The following PSG8 variants were observed in gnomAD, a reference collection of about 807,000 sequenced individuals.
PSG8 encodes pregnancy-specific beta-1-glycoprotein 8.
In PSG8, 57 loss-of-function variants were observed where a neutral mutation model predicts 42.5. That is an observed-to-expected ratio of 1.34 (90% confidence interval 1.08 to 1.67). The LOEUF (loss-of-function observed/expected upper bound fraction) is 1.67, where lower values mean the gene tolerates loss of function less well. PSG8 is among the 40% of genes most tolerant of loss of function. The pLI is 0.00. For missense variants in PSG8, 783 were observed against 518.6 expected (o/e 1.51, Z -4.95); for synonymous variants, 280 against 196.8 (o/e 1.42, Z -3.54).
chr19:42,754,745 C>T (rs981662544), intron 4 of PSG8, 158 bp from the exon 5 acceptor site: 8 of 1,318,742 alleles, frequency 6.1e-6, no homozygotes, highest in African/African-American at 3.0e-5. Context: ...CAGGTATTCA[C>T]CTGTTTCTCC....
At chr19:42,754,691 C>G (rs1444607337) in intron 4 of PSG8, 104 bp from the exon 5 acceptor site, 11 of 1,398,750 alleles carry the variant, frequency 7.9e-6, no homozygotes, top group Middle Eastern at 2.6e-4. Context: ...GACACACCCT[C>G]AAGTCCCAGC....
chr19:42,759,809 G>T (rs1282285589), intron 2 of PSG8, among the ~76,000 whole-genome samples: 2 of 152,160 alleles, frequency 1.3e-5, no homozygotes, highest in Non-Finnish European at 2.9e-5. Flanking sequence ...ATCAATTGCT[G>T]GTAGTAGTAT....
At chr19:42,757,232 C>T (rs949226872) in intron 3 of PSG8, among the ~76,000 whole-genome samples, 12 of 151,908 alleles carry the variant, frequency 7.9e-5, no homozygotes, top group Non-Finnish European at 1.6e-4. Flanking sequence ...ATTCCCTGTC[C>T]TGGGTTTTTG....
chr19:42,759,304 G>A (rs905972908), intron 2 of PSG8, among the ~76,000 whole-genome samples: 2 of 152,084 alleles, frequency 1.3e-5, no homozygotes, highest in African/African-American at 4.8e-5. Context: ...AGTAGAATAG[G>A]AGTTTCTACG....
chr19:42,761,211 C>T (rs1041844065), intron 2 of PSG8, among the ~76,000 whole-genome samples: 2 of 152,116 alleles, frequency 1.3e-5, no homozygotes, highest in African/African-American at 4.8e-5. Flanking sequence ...TGGGCATAGG[C>T]CAGGCTAACC....
chr19:42,764,338 A>C (rs1228444669), intron 1 of PSG8, 57 bp from the exon 2 acceptor site: 2 of 1,564,630 alleles, frequency 1.3e-6, no homozygotes, highest in Non-Finnish European at 1.7e-6. Context: ...GTGTGAAAAC[A>C]TGGGGCCCTG....
downstream of PSG8, chr19:42,753,337 G>C (rs770390890): frequency 4.9e-5 from 38 of 780,374 alleles, no homozygotes; most frequent in Non-Finnish European, 8.1e-5. Flanking sequence ...GGAAGAAAAT[G>C]GAATTGGAGG....
At chr19:42,752,724 T>G (rs1445053050), downstream of PSG8, 1 of 163,984 alleles carries the variant, frequency 6.1e-6, no homozygotes, top group East Asian at 1.7e-4. Flanking sequence ...TCTGCTAGAA[T>G]CAGTATTACT....
At chr19:42,760,678 G>T (rs577720104) in intron 2 of PSG8, among the ~76,000 whole-genome samples, 2 of 152,042 alleles carry the variant, frequency 1.3e-5, no homozygotes, top group Admixed American at 6.5e-5. Context: ...TGCCTCCTAG[G>T]TTCACGCCAT....
Position 42,761,674 on chromosome 19 carries a change from T to C in PSG8, c.430+2242A>G, listed in dbSNP as rs1045218407. Among the ~76,000 whole-genome samples, 10 of 152,030 alleles carry C rather than the reference T, an allele frequency of 6.6e-5. 1 individual carries two copies. The highest frequency in any genetic ancestry group is 4.4e-5 in the Non-Finnish European group (3 of 67,978). ...ACAATCAGCAGTACTTATTTTTTAG[T>C]CCTGTGCTCCTGAAACTACCCTTGA... On this transcript the variant is annotated intron_variant, in intron 2 of 4. Transcript: ENST00000306511.
At chr19:42,760,248 A>G (rs1032617351) in intron 2 of PSG8, among the ~76,000 whole-genome samples, 7 of 152,118 alleles carry the variant, frequency 4.6e-5, no homozygotes, top group Non-Finnish European at 7.4e-5. Context: ...TGGCATCAAC[A>G]TGAGGAAACA....
At chr19:42,758,443 G>T (rs1425486395) in intron 2 of PSG8, among the ~76,000 whole-genome samples, 163 bp from the exon 3 acceptor site, 1 of 152,114 alleles carries the variant, frequency 6.6e-6, no homozygotes, top group African/African-American at 2.4e-5. Context: ...CAATCTGAGG[G>T]CTCAGAGGTT....
rs1430752317 is a variant in PSG8, at chr19:42,754,400, A to G, written c.1176T>C (p.Tyr392=). 6.2e-7 allele frequency: 1 copy of G among 1,613,846 alleles called. No individual in the cohort carries two copies. The highest frequency in any genetic ancestry group is 1.7e-5 in the Admixed American group (1 of 60,000). Residue 392 remains tyrosine (Y), a synonymous_variant, in exon 5 of 5, where the codon TAT becomes TAC. Coordinates refer to ENST00000306511, the MANE Select transcript of PSG8 (RefSeq NM_182707.3). ...TGGCTGAGTTACGAACAGAGCAAGC[A>G]TAGAGCCCGCTATGCTTTGTAGTAA... ...PQITTKHSGL[Y]ACSVRNSATG...
rs746897583 is a variant in PSG8 at position 42,755,110 on chromosome 19, G to T, written c.866C>A (p.Pro289His). The change falls in exon 4 of 5, where the codon CCC (proline) becomes CAC (histidine). Residue 289 changes from proline (P) to histidine (H), a missense_variant. Coordinates refer to ENST00000306511, the MANE Select transcript of PSG8 (RefSeq NM_182707.3). Reference protein sequence around the residue: ...SLPVSPRVKRPIENRILILPS... With the variant: ...SLPVSPRVKRHIENRILILPS... ...TAGAATGAGGATCCTGTTTTCAATG[G>T]GTCGCTTTACCCTGGGACTGACCGG... 1.2e-6 allele frequency: 2 copies of T among 1,611,900 alleles called. No individual in the cohort carries two copies. Among genetic ancestry groups the T allele is most frequent in the South Asian group, 2.2e-5 (2 of 90,964 alleles).
chr19:42,763,477 A>T (rs1258308227), intron 2 of PSG8, among the ~76,000 whole-genome samples: 1 of 152,172 alleles, frequency 6.6e-6, no homozygotes, highest in Non-Finnish European at 1.5e-5. Flanking sequence ...CAGCCCCAGC[A>T]CAGGCTCCTC....
At chr19:42,763,310 C>A (rs958030685) in intron 2 of PSG8, among the ~76,000 whole-genome samples, 3 of 152,154 alleles carry the variant, frequency 2.0e-5, no homozygotes, top group African/African-American at 4.8e-5. Context: ...GTCTTTCTGT[C>A]CTCTCCACTC....
intron 2 of PSG8, 158 bp downstream of exon 2, chr19:42,763,758 G>T: frequency 7.2e-7 from 1 of 1,385,338 alleles, no homozygotes; most frequent in Non-Finnish European, 1.0e-6. Context: ...GTTGAAATTT[G>T]TCTCCTCTGT....
At chr19:42,765,207 C>G (rs897313612) in intron 1 of PSG8, among the ~76,000 whole-genome samples, 1 of 150,400 alleles carries the variant, frequency 6.6e-6, no homozygotes, top group African/African-American at 2.5e-5. Context: ...GGCTGGCGTG[C>G]GATGGCACTA....
chr19:42,758,420 G>T, intron 2 of PSG8, 140 bp from the exon 3 acceptor site: 7 of 1,502,730 alleles, frequency 4.7e-6, no homozygotes, highest in South Asian at 1.3e-5. Context: ...TGTGTTGCAA[G>T]ACAGATGCAG....
Sources: allele counts gnomAD v4.1 joint callset (sites outside exome capture counted in the v4.1 genomes callset), GRCh38; gene constraint gnomAD v4.1.1; transcripts MANE v1.5; gene names NCBI Gene and HGNC (gene_info 2026-07-23, HGNC 2026-07-21).